Variants in NLRP1 observed in about 807,000 individuals in gnomAD.
NLRP1 encodes NLR family pyrin domain containing 1, also known as NACHT, LRR and PYD domains-containing protein 1.
A neutral mutation model predicts 136.7 loss-of-function variants in NLRP1; 94 were observed. The ratio of observed to expected loss-of-function variants is 0.69; its 90% CI spans 0.58 to 0.82. The LOEUF is 0.82. Ranked by LOEUF, NLRP1 falls within the 40% of genes least tolerant of loss-of-function variation. The pLI is 0.00. For missense variants in NLRP1, 1,575 were observed against 1,802.7 expected, an observed-to-expected ratio of 0.87 and a Z score of 2.29; for synonymous variants, 690 against 725.1, an observed-to-expected ratio of 0.95 and a Z score of 0.78.
intron 8 of NLRP1, among the ~76,000 whole-genome samples, chr17:5,535,918 T>C (rs546305695): frequency 6.6e-6 from 1 of 152,114 alleles, no homozygotes; most frequent in Admixed American, 6.5e-5. Flanking sequence ...GGGGTGTGTG[T>C]GGTGGTGGTG....
intron 15 of NLRP1, among the ~76,000 whole-genome samples, chr17:5,516,573 C>T (rs1356918160): frequency 1.3e-5 from 2 of 152,188 alleles, no homozygotes; most frequent in Admixed American, 6.5e-5. Flanking sequence ...AACATTGCTA[C>T]GATTTGTTAA....
chr17:5,509,592 A>C (rs61099937), downstream of NLRP1, among the ~76,000 whole-genome samples: 41,929 of 152,048 alleles, frequency 0.28, 6,086 homozygotes, highest in African/African-American at 0.37. Flanking sequence ...TCTGAGATGG[A>C]GTCTCACTCT....
At chr17:5,567,639 G>A (rs1291379094) in intron 3 of NLRP1, among the ~76,000 whole-genome samples, 1 of 151,836 alleles carries the variant, frequency 6.6e-6, no homozygotes, top group Non-Finnish European at 1.5e-5. Context: ...TGTGTTTTTC[G>A]GTGTACTTAC....
chr17:5,556,002 G>A (rs1041785551), intron 4 of NLRP1, among the ~76,000 whole-genome samples: 4 of 152,072 alleles, frequency 2.6e-5, no homozygotes, highest in African/African-American at 4.8e-5. Flanking sequence ...GCTGAGGCAT[G>A]AGAATTGCTT....
At chr17:5,568,599 T>C (rs1915560745) in intron 3 of NLRP1, among the ~76,000 whole-genome samples, 1 of 152,162 alleles carries the variant, frequency 6.6e-6, no homozygotes, top group Non-Finnish European at 1.5e-5. Context: ...CTGGATGGTG[T>C]TAATGCTAGT....
chr17:5,555,501 C>G (rs1262601881), intron 4 of NLRP1, among the ~76,000 whole-genome samples: 1 of 152,160 alleles, frequency 6.6e-6, no homozygotes, highest in Admixed American at 6.5e-5. Context: ...ATCCCAAACT[C>G]TCCTCTCTGG....
At chr17:5,562,191 C>G (rs1285685282) in intron 3 of NLRP1, among the ~76,000 whole-genome samples, 1 of 152,234 alleles carries the variant, frequency 6.6e-6, no homozygotes, top group African/African-American at 2.4e-5. Flanking sequence ...TGGGTGCCAT[C>G]CCCTGTTCCT....
downstream of NLRP1, among the ~76,000 whole-genome samples, chr17:5,510,947 C>T (rs78233376): frequency 8.9e-3 from 1,360 of 152,246 alleles, 14 homozygotes; most frequent in Non-Finnish European, 0.012. Context: ...GTGTTGTGTA[C>T]CAGCTCGCCC....
chr17:5,559,392 G>A lies in NLRP1; in HGVS notation c.1304C>T (p.Pro435Leu), dbSNP rs745391030. 6.2e-6 allele frequency: 10 copies of A among 1,613,996 alleles called. No homozygotes were observed. In the East Asian group the frequency reaches 6.7e-5, roughly 11 times the overall value. Residue 435 changes from proline (P) to leucine (L), a missense_variant, in exon 4 of 17, where the codon CCG becomes CTG. Physicochemically the swap from Pro to Leu is moderately conservative, Grantham distance 98. Transcript: ENST00000572272. ...ELCLHWSQPQ[P>L]ADALLGSLLG... ...CAAACTGCCCAGCAGTGCATCCGCC[G>A]GCTGTGGCTGGCTCCAGTGCAGACA...
At chr17:5,508,734 TA>T (rs1166670014) in intron 15 of NLRP1, among the ~76,000 whole-genome samples, 1 of 152,142 alleles carries the variant, frequency 6.6e-6, no homozygotes, top group East Asian at 1.9e-4. Context: ...TGTGATGATC[TA>T]AATCAAAGTC....
chr17:5,564,731 AGT>A (rs1491028895), intron 3 of NLRP1, among the ~76,000 whole-genome samples: 2 of 85,846 alleles, frequency 2.3e-5, no homozygotes, highest in African/African-American at 9.8e-5. Flanking sequence ...CTCAATTTTT[AGT>A]GTTTTTTTTT....
chr17:5,575,970 C>T (rs1419468313), intron 3 of NLRP1, among the ~76,000 whole-genome samples: 1 of 152,226 alleles, frequency 6.6e-6, no homozygotes, highest in African/African-American at 2.4e-5. Flanking sequence ...GATTAAGAAA[C>T]TCACTCAAAA....
intron 14 of NLRP1, chr17:5,518,279 C>G (rs981555638): frequency 1.7e-5 from 3 of 180,750 alleles, no homozygotes; most frequent in Non-Finnish European, 2.4e-5. Flanking sequence ...CCAGCTAAGA[C>G]AGAACTCTTG....
Position 5,583,203 on chromosome 17 carries a change from A to ACAG in NLRP1, c.272-360_272-358dup, listed in dbSNP as rs1905899503. Among the ~76,000 whole-genome samples the ACAG allele has an allele frequency of 6.6e-6, 1 of 152,182 alleles. No homozygotes were observed. The highest frequency in any genetic ancestry group is 2.1e-4 in the South Asian group (1 of 4,832). ...AACAGCAGCAGCAGCAGCAGCAACA[A>ACAG]CAGCAATGGGAGATCTTATTTATTG... On this transcript the variant is annotated intron_variant, in intron 1 of 16. Coordinates refer to ENST00000572272, the MANE Select transcript of NLRP1 (RefSeq NM_033004.4). This position sits in a 1 kb window ranked among gnomAD's most constrained non-coding sequence, Gnocchi z 4.5.
chr17:5,535,946 C>T (rs919048299), intron 8 of NLRP1, among the ~76,000 whole-genome samples: 7 of 152,208 alleles, frequency 4.6e-5, no homozygotes, highest in Admixed American at 1.3e-4. Context: ...TGGTGGGTGA[C>T]GGTGATGGCG....
intron 3 of NLRP1, among the ~76,000 whole-genome samples, chr17:5,580,131 A>G (rs1905453466): frequency 6.6e-6 from 1 of 152,126 alleles, no homozygotes; most frequent in Admixed American, 6.5e-5. Context: ...GCGACTCGGG[A>G]GGCTGAGGCA....
chr17:5,509,162 C>T (rs2151728522), downstream of NLRP1, among the ~76,000 whole-genome samples: 1 of 152,332 alleles, frequency 6.6e-6, no homozygotes, highest in Admixed American at 6.5e-5. Context: ...GACTTCCCTT[C>T]AAGTTCTCTC....
intron 11 of NLRP1, 87 bp from the exon 12 acceptor site, chr17:5,530,791 A>G (rs1034099468): frequency 9.9e-7 from 1 of 1,011,870 alleles, no homozygotes; most frequent in East Asian, 2.4e-5. Context: ...GGGCTTGCGG[A>G]TACGGTACAG....
At chr17:5,553,649 C>CCT (rs1165077767) in intron 4 of NLRP1, 93 bp from the exon 5 acceptor site, 4 of 1,178,680 alleles carry the variant, frequency 3.4e-6, no homozygotes, top group Non-Finnish European at 4.9e-6. Flanking sequence ...GCTTTGTCCC[C>CCT]CTGAGCACCA....
Sources: gnomAD v4.1 joint callset for allele counts (sites outside exome capture counted in the v4.1 genomes callset) on GRCh38, gnomAD v4.1.1 for gene constraint, Gnocchi (gnomAD v3.1) non-coding constraint, MANE v1.5 for transcripts, NCBI Gene and HGNC (gene_info 2026-07-23, HGNC 2026-07-21) for gene names.